STAT1: variants seen among roughly 807,000 people sequenced by gnomAD.
STAT1 encodes the protein signal transducer and activator of transcription 1.
A neutral mutation model predicts 111.7 loss-of-function variants in STAT1; 24 were observed. The ratio of observed to expected loss-of-function variants is 0.21; its 90% CI spans 0.16 to 0.30. STAT1 has a LOEUF of 0.30. Ranked by LOEUF, STAT1 falls within the 10% of genes least tolerant of loss-of-function variation. STAT1 has a pLI of 1.00. For missense variants in STAT1, 351 were observed against 911.9 expected, an observed-to-expected ratio of 0.38 and a Z score of 7.92; for synonymous variants, 332 against 326.5, an observed-to-expected ratio of 1.02 and a Z score of -0.18.
intron 1 of STAT1, 103 bp from the exon 2 acceptor site, chr2:191,013,781 C>T: frequency 2.5e-6 from 1 of 397,916 alleles, no homozygotes; most frequent in East Asian, 3.6e-5. Flanking sequence ...TTATATTTCA[C>T]AAGTCCTCTT....
Position 190,976,698 on chromosome 2 carries a change from C to T in STAT1, c.2059+142G>A, listed in dbSNP as rs45495592. ...GGCCAAATAATGCATTATGTTTCAC[C>T]TGCACTGAGTTTATGCCATCTTTTG... On this transcript the variant is annotated intron_variant, in intron 22 of 24. Transcript: ENST00000361099. This position sits in a 1 kb window ranked among gnomAD's most constrained non-coding sequence, Gnocchi z 6.0. 584 of 719,908 alleles carry T rather than the reference C, an allele frequency of 8.1e-4. 3 individuals are homozygous for T. The African/African-American group carries it at 8.7e-3, about 11-fold the overall frequency. 44.6% of individuals were successfully genotyped at this position (719,908 alleles called of 1,614,324 possible).
Position 190,982,353 on chromosome 2 carries a change from T to C in STAT1, c.1582+30A>G. 1 of 1,613,350 alleles carries C rather than the reference T, an allele frequency of 6.2e-7. No individual in the cohort carries two copies. Among genetic ancestry groups the C allele is most frequent in the Non-Finnish European group, 8.5e-7 (1 of 1,179,440 alleles). ...AGATATTTTTATGAATTTCAATTTT[T>C]ATAAACATAACAAGTTAATATGCAT... On this transcript the variant is annotated intron_variant, in intron 18 of 24. Coordinates refer to ENST00000361099, the MANE Select transcript of STAT1 (RefSeq NM_007315.4). The surrounding 1 kb of genome is among the most constrained non-coding windows in gnomAD (Gnocchi z 7.3).
At chr2:191,005,139 C>T (rs1312683763) in intron 5 of STAT1, among the ~76,000 whole-genome samples, 1 of 152,168 alleles carries the variant, frequency 6.6e-6, no homozygotes, top group African/African-American at 2.4e-5. Context: ...TCTGAACTAA[C>T]TCGGAATTTT....
rs1443420423 is a variant in STAT1 at position 190,974,058 on chromosome 2, A to G, written c.2238+772T>C. Among the ~76,000 whole-genome samples the G allele has an allele frequency of 6.6e-6, 1 of 152,198 alleles. No individual in the cohort carries two copies. The highest frequency in any genetic ancestry group is 1.5e-5 in the Non-Finnish European group (1 of 68,040). ...ACTCAGGATATTTTTTGGAAGCATT[A>G]AATAAATTTTTAAAAATGAGCTGGA... is the stretch of plus-strand genomic sequence containing the variant. On this transcript the variant is annotated intron_variant, in intron 24 of 24. Coordinates refer to ENST00000361099, the MANE Select transcript of STAT1 (RefSeq NM_007315.4). This position sits in a 1 kb window ranked among gnomAD's most constrained non-coding sequence, Gnocchi z 4.8.
chr2:190,974,446 C>G lies in STAT1; in HGVS notation c.2238+384G>C, dbSNP rs41495745. 6.6e-6 allele frequency among the ~76,000 whole-genome samples: 1 copy of G among 152,188 alleles called. No homozygotes were observed. Among genetic ancestry groups the G allele is most frequent in the Non-Finnish European group, 1.5e-5 (1 of 68,030 alleles). On this transcript the variant is annotated intron_variant, in intron 24 of 24. Transcript: ENST00000361099. This position sits in a 1 kb window ranked among gnomAD's most constrained non-coding sequence, Gnocchi z 4.8. ...CTACCAAGCGTTAGTCCCTCCCTTT[C>G]TAAAAATAACACTCCCTCCCCTAGA...
rs1691395916 is a variant in STAT1 at position 190,970,798 on chromosome 2, A to G, written c.2239-81T>C. The G allele has an allele frequency of 7.3e-7, 1 of 1,364,080 alleles. No individual in the cohort carries two copies. Among genetic ancestry groups the G allele is most frequent in the African/African-American group, 1.4e-5 (1 of 69,970 alleles). 84.5% of individuals were successfully genotyped at this position (1,364,080 alleles called of 1,614,324 possible). A position where few individuals can be genotyped will look rare whatever the true frequency, so the allele number is the denominator to read the frequency against. ...CTCATACATTAAACATTGCTTGTCT[A>G]TTCTAGAATGAAGTAGTAGGAAGAT... On this transcript the variant is annotated intron_variant, in intron 24 of 24. Coordinates refer to ENST00000361099, the MANE Select transcript of STAT1 (RefSeq NM_007315.4). The surrounding 1 kb of genome is among the most constrained non-coding windows in gnomAD (Gnocchi z 5.4).
Position 190,980,610 on chromosome 2 carries a change from C to A in STAT1, c.1632+10G>T, listed in dbSNP as rs765556713. ...GGACTTAGAGAGCATAAAACCCAGA[C>A]AGTCCTCACCTTACAAAACCTCGTC... On this transcript the variant is annotated intron_variant, in intron 19 of 24. Transcript: ENST00000361099. This position sits in a 1 kb window ranked among gnomAD's most constrained non-coding sequence, Gnocchi z 6.1. 6.2e-7 allele frequency: 1 copy of A among 1,614,134 alleles called. No homozygotes were observed.
chr2:190,986,999 T>A lies in STAT1; in HGVS notation c.1127+40A>T, dbSNP rs774240766. On this transcript the variant is annotated intron_variant, in intron 13 of 24. Transcript: ENST00000361099. The surrounding 1 kb of genome is among the most constrained non-coding windows in gnomAD (Gnocchi z 5.0). ...AAAAGTCTTCCAACTATTAAATAAA[T>A]AAAAATATAGCACAGTATAGCGTAA... The A allele has an allele frequency of 6.2e-6, 10 of 1,611,228 alleles. No homozygotes were observed. Among genetic ancestry groups the A allele is most frequent in the Non-Finnish European group, 8.5e-6 (10 of 1,177,536 alleles).
At position 190,999,718 on chromosome 2, in the gene STAT1, T is replaced by C. The variant is rs777203610; in HGVS notation, c.463-14A>G. 7 of 1,596,486 alleles carry C rather than the reference T, an allele frequency of 4.4e-6. No homozygotes were observed. Among genetic ancestry groups the C allele is most frequent in the East Asian group, 2.2e-5 (1 of 44,804 alleles). On this transcript the variant is annotated splice_polypyrimidine_tract_variant and intron_variant, in intron 6 of 24. Coordinates refer to ENST00000361099, the MANE Select transcript of STAT1 (RefSeq NM_007315.4). The surrounding 1 kb of genome is among the most constrained non-coding windows in gnomAD (Gnocchi z 4.1). ...ATGCTCTATACACTACAAACAAAGA[T>C]GTAAACATGTTTTCTACTGATCAGC...
chr2:190,999,004 T>A lies in STAT1; in HGVS notation c.541+622A>T, dbSNP rs1208656677. ...CCTATGAACCATGGTATACCCCAGA[T>A]GATGAATAGAGTAACAGCAGTACCC... On this transcript the variant is annotated intron_variant, in intron 7 of 24. Coordinates refer to ENST00000361099, the MANE Select transcript of STAT1 (RefSeq NM_007315.4). The surrounding 1 kb of genome is among the most constrained non-coding windows in gnomAD (Gnocchi z 4.1). 1.3e-5 allele frequency among the ~76,000 whole-genome samples: 2 copies of A among 152,140 alleles called. No individual in the cohort carries two copies. Among genetic ancestry groups the A allele is most frequent in the Non-Finnish European group, 2.9e-5 (2 of 68,018 alleles).
chr2:190,985,763 C>T (rs184161818), intron 14 of STAT1, 103 bp from the exon 15 acceptor site: 98 of 1,249,540 alleles, frequency 7.8e-5, no homozygotes, highest in African/African-American at 1.0e-4. Flanking sequence ...GAATGACAGA[C>T]GTGACTTTAT....
Position 190,979,631 on chromosome 2 carries a change from G to A in STAT1, c.1727+141C>T. 1 of 639,604 alleles carries A rather than the reference G, an allele frequency of 1.6e-6. No individual in the cohort carries two copies. Among genetic ancestry groups the A allele is most frequent in the Admixed American group, 2.2e-5 (1 of 44,542 alleles). The allele number at this position is 639,604 out of a possible 1,614,324, so 39.6% of individuals were successfully genotyped here. A position where few individuals can be genotyped will look rare whatever the true frequency, so the allele number is the denominator to read the frequency against. On this transcript the variant is annotated intron_variant, in intron 20 of 24. Transcript: ENST00000361099. This position sits in a 1 kb window ranked among gnomAD's most constrained non-coding sequence, Gnocchi z 5.8. ...TGTTATGAGGTTCTACTCTTCTGAA[G>A]CCCTGAAGGGGCAGCCTATAAATGC...
intron 5 of STAT1, among the ~76,000 whole-genome samples, chr2:191,001,667 C>T (rs1233523845): frequency 6.6e-6 from 1 of 152,170 alleles, no homozygotes; most frequent in East Asian, 1.9e-4. Context: ...TATGAAATCA[C>T]TCCATTAAGG....
Position 190,984,173 on chromosome 2 carries a change from A to G in STAT1, c.1347+137T>C. ...TTCTGGACCATAAATTAAGGTTAAG[A>G]TAGTATTAGCTGAAAAAGATCATTT... On this transcript the variant is annotated intron_variant, in intron 16 of 24. Transcript: ENST00000361099. The surrounding 1 kb of genome is among the most constrained non-coding windows in gnomAD (Gnocchi z 5.2). 1.3e-6 allele frequency: 1 copy of G among 741,334 alleles called. No homozygotes were observed. The highest frequency in any genetic ancestry group is 2.3e-6 in the Non-Finnish European group (1 of 429,116). 45.9% of individuals were successfully genotyped at this position (741,334 alleles called of 1,614,324 possible).
chr2:190,988,450 C>T lies in STAT1; in HGVS notation c.1097+1165G>A, dbSNP rs571167387. 5.9e-5 allele frequency among the ~76,000 whole-genome samples: 9 copies of T among 152,354 alleles called. No individual in the cohort carries two copies. In the South Asian group the frequency reaches 1.9e-3, roughly 32 times the overall value. ...CTGGAGTGCAGTGGCATGATCTCAG[C>T]TCACTGCAACCTCTGCCTCCCAGGT... On this transcript the variant is annotated intron_variant, in intron 12 of 24. Coordinates refer to ENST00000361099, the MANE Select transcript of STAT1 (RefSeq NM_007315.4).
intron 11 of STAT1, 78 bp downstream of exon 11, chr2:190,991,150 A>G (rs1693297857): frequency 1.5e-6 from 2 of 1,369,734 alleles, no homozygotes; most frequent in Admixed American, 1.7e-5. Flanking sequence ...CACCCTATAT[A>G]ACAGTTTTTA....
rs1299402500 is a variant in STAT1, at chr2:190,982,755, G to C, written c.1447-237C>G. Among the ~76,000 whole-genome samples the C allele has an allele frequency of 6.6e-6, 1 of 152,090 alleles. No homozygotes were observed. The highest frequency in any genetic ancestry group is 1.5e-5 in the Non-Finnish European group (1 of 68,010). On this transcript the variant is annotated intron_variant, in intron 17 of 24. Transcript: ENST00000361099. This position sits in a 1 kb window ranked among gnomAD's most constrained non-coding sequence, Gnocchi z 7.3. ...AAAATCTAAATACATGGCATCTTTGGGGTCATTTGAAGACACACCCGTGCA... is the reference window on the plus strand; with the variant it reads ...AAAATCTAAATACATGGCATCTTTGCGGTCATTTGAAGACACACCCGTGCA...
In STAT1 at chr2:190,994,941, TATATATATATATATATAA is replaced by T. The variant is rs1693729310; in HGVS notation, c.944+102_944+119del. ...AAAAAAAAAAAAATATATATATATA[TATATATATATATATATAA>T]AAAACACCTATTAAACCCTTGTAAA... On this transcript the variant is annotated intron_variant, in intron 10 of 24. Transcript: ENST00000361099. The T allele has an allele frequency of 8.8e-5, 18 of 204,720 alleles. 3 individuals are homozygous for T. Among genetic ancestry groups the T allele is most frequent in the South Asian group, 4.9e-4 (6 of 12,228 alleles). 12.7% of individuals were successfully genotyped at this position (204,720 alleles called of 1,614,324 possible).
At chr2:190,992,678 C>T in intron 10 of STAT1, 2 of 1,288,752 alleles carry the variant, frequency 1.6e-6, no homozygotes, top group Non-Finnish European at 1.0e-6. Flanking sequence ...CCAGAGTGCT[C>T]TGAATTTTAA....
Sources: allele counts gnomAD v4.1 joint callset (sites outside exome capture counted in the v4.1 genomes callset), GRCh38; gene constraint gnomAD v4.1.1; non-coding constraint Gnocchi (gnomAD v3.1); transcripts MANE v1.5; gene names NCBI Gene and HGNC (gene_info 2026-07-23, HGNC 2026-07-21).